CHCHD6: variants seen among roughly 807,000 people sequenced by gnomAD.
CHCHD6 encodes the protein coiled-coil-helix-coiled-coil-helix domain containing 6, also known as MICOS complex subunit MIC25.
A neutral mutation model predicts 32.3 loss-of-function variants in CHCHD6; 28 were observed. That is an observed-to-expected ratio of 0.87 (90% CI 0.64 to 1.19). The LOEUF is 1.19. Ranked by LOEUF, CHCHD6 falls within the 50% of genes most tolerant of loss-of-function variation. CHCHD6 has a pLI of 0.00. For synonymous variants in CHCHD6, 122 were observed against 117.5 expected, an observed-to-expected ratio of 1.04 and a Z score of -0.25; for missense variants, 333 against 307.0, an observed-to-expected ratio of 1.08 and a Z score of -0.63.
At chr3:126,910,060 T>C (rs2078064876) in intron 5 of CHCHD6, among the ~76,000 whole-genome samples, 1 of 152,178 alleles carries the variant, frequency 6.6e-6, no homozygotes, top group Non-Finnish European at 1.5e-5. Context: ...GCAGATCACT[T>C]GAGCCCAGGA....
intron 1 of CHCHD6, among the ~76,000 whole-genome samples, chr3:126,725,260 G>A (rs911439401): frequency 3.3e-5 from 5 of 152,212 alleles, no homozygotes; most frequent in African/African-American, 1.2e-4. Context: ...TGCTGTGTTA[G>A]GAGGCATGAA....
chr3:126,809,108 A>T (rs1205906880), intron 4 of CHCHD6, among the ~76,000 whole-genome samples: 1 of 152,014 alleles, frequency 6.6e-6, no homozygotes, highest in Non-Finnish European at 1.5e-5. Context: ...AGTAGCTGGG[A>T]TTACAGGCAT....
At chr3:126,879,762 A>G (rs1432440927) in intron 5 of CHCHD6, among the ~76,000 whole-genome samples, 3 of 152,220 alleles carry the variant, frequency 2.0e-5, no homozygotes, top group Non-Finnish European at 2.9e-5. Context: ...CAGTTGTTTT[A>G]TAAAGACAAA....
At chr3:126,931,330 G>A (rs926336465) in intron 6 of CHCHD6, among the ~76,000 whole-genome samples, 5 of 152,224 alleles carry the variant, frequency 3.3e-5, no homozygotes, top group African/African-American at 4.8e-5. Context: ...GGTGGAATTC[G>A]CAGCAGGCCT....
rs2107611069 is a variant in CHCHD6, at chr3:126,957,825, A to G, written c.702+274A>G. On this transcript the variant is annotated intron_variant, in intron 7 of 7. Transcript: ENST00000290913. ...GGCTGGGTGGGAGCAGGCTGGGTAA[A>G]GTCAGGCCCCACCTTCAAGGGCCGG... 3 of 535,238 alleles carry G rather than the reference A, an allele frequency of 5.6e-6. No individual in the cohort carries two copies. In the South Asian group the frequency reaches 6.2e-5, roughly 11 times the overall value. The allele number at this position is 535,238 out of a possible 1,614,324, so 33.2% of individuals were successfully genotyped here. A position where few individuals can be genotyped will look rare whatever the true frequency, so the allele number is the denominator to read the frequency against.
chr3:126,723,521 A>C (rs997592577), intron 1 of CHCHD6, among the ~76,000 whole-genome samples: 1 of 151,002 alleles, frequency 6.6e-6, no homozygotes, highest in Non-Finnish European at 1.5e-5. Context: ...GTATGTCTGC[A>C]TTTTTTTTTG....
intron 6 of CHCHD6, among the ~76,000 whole-genome samples, chr3:126,935,708 G>A (rs959863864): frequency 6.6e-6 from 1 of 152,208 alleles, no homozygotes; most frequent in Admixed American, 6.5e-5. Context: ...AGTCATAGAT[G>A]TACAATTTCC....
intron 4 of CHCHD6, among the ~76,000 whole-genome samples, chr3:126,792,078 A>T (rs1046443591): frequency 1.3e-5 from 2 of 152,098 alleles, no homozygotes; most frequent in East Asian, 3.9e-4. Context: ...GTAATATTCC[A>T]TTGTGTATAT....
At chr3:126,941,169 T>C (rs1466812423) in intron 6 of CHCHD6, among the ~76,000 whole-genome samples, 1 of 152,340 alleles carries the variant, frequency 6.6e-6, no homozygotes, top group East Asian at 1.9e-4. Flanking sequence ...TGCCATTAAA[T>C]TGTTGTTCCA....
rs919900306 is a variant in CHCHD6 at position 126,948,006 on chromosome 3, C to T, written c.567-9410C>T. The stretch of plus-strand genomic sequence containing the variant: ...GCATGTGGTGGGCATTGAAGTGTAG[C>T]GGCTATTGCTGATGTGCGCCTGGGC... On this transcript the variant is annotated intron_variant, in intron 6 of 7. Coordinates refer to ENST00000290913, the MANE Select transcript of CHCHD6 (RefSeq NM_032343.3). Among the ~76,000 whole-genome samples, 13 of 152,316 alleles carry T rather than the reference C, an allele frequency of 8.5e-5. No homozygotes were observed. In the South Asian group the frequency reaches 2.5e-3, roughly 29 times the overall value.
chr3:126,762,267 T>C (rs1937190831), intron 4 of CHCHD6, among the ~76,000 whole-genome samples: 1 of 152,190 alleles, frequency 6.6e-6, no homozygotes. Flanking sequence ...TCTTGTAATG[T>C]AAAGATGTAT....
chr3:126,733,269 C>T (rs775147236), intron 4 of CHCHD6, 47 bp downstream of exon 4: 1 of 1,577,120 alleles, frequency 6.3e-7, no homozygotes. Flanking sequence ...TGGGCAGCAC[C>T]CTGGGAAATA....
chr3:126,704,305 A>G lies in CHCHD6; in HGVS notation c.-8A>G. 6.2e-7 allele frequency: 1 copy of G among 1,602,670 alleles called. No homozygotes were observed. The highest frequency in any genetic ancestry group is 8.5e-7 in the Non-Finnish European group (1 of 1,176,730). On this transcript the variant is annotated 5_prime_UTR_variant, in exon 1 of 8. Transcript: ENST00000290913. Reference sequence around the variant, plus strand: ...GTCTGGTGGCTGCCGGCCCTGCGGCATCTCGCCATGGGGAGCACGGAGAGC... The same window carrying G: ...GTCTGGTGGCTGCCGGCCCTGCGGCGTCTCGCCATGGGGAGCACGGAGAGC...
intron 4 of CHCHD6, among the ~76,000 whole-genome samples, chr3:126,759,465 A>G (rs2107671613): frequency 6.6e-6 from 1 of 152,312 alleles, no homozygotes; most frequent in South Asian, 2.1e-4. Flanking sequence ...AGTCAAGGAC[A>G]TGCATTTCTT....
intron 5 of CHCHD6, among the ~76,000 whole-genome samples, chr3:126,881,100 AG>A (rs1419708337): frequency 6.6e-6 from 1 of 152,278 alleles, no homozygotes; most frequent in Non-Finnish European, 1.5e-5. Flanking sequence ...TGGCCAGGAA[AG>A]CTTCCTCAAA....
intron 5 of CHCHD6, among the ~76,000 whole-genome samples, chr3:126,901,708 G>A (rs567594840): frequency 6.6e-6 from 1 of 152,242 alleles, no homozygotes; most frequent in Non-Finnish European, 1.5e-5. Context: ...TTCAAAGAGT[G>A]CAAGCAGGAT....
chr3:126,755,656 A>G (rs1936923586), intron 4 of CHCHD6, among the ~76,000 whole-genome samples: 1 of 152,156 alleles, frequency 6.6e-6, no homozygotes, highest in Non-Finnish European at 1.5e-5. Context: ...AAAATAGAAC[A>G]TTCTATTAGT....
intron 4 of CHCHD6, chr3:126,767,236 C>A: frequency 6.8e-7 from 1 of 1,472,926 alleles, no homozygotes; most frequent in South Asian, 1.1e-5. Flanking sequence ...TGTATATTAT[C>A]TGTGCGGGGC....
intron 4 of CHCHD6, among the ~76,000 whole-genome samples, chr3:126,749,978 C>T (rs895825): frequency 0.017 from 2,591 of 152,280 alleles, 75 homozygotes; most frequent in African/African-American, 0.058. Context: ...CCACATCCAC[C>T]TTGGCCCGAC....
Sources: allele counts gnomAD v4.1 joint callset (sites outside exome capture counted in the v4.1 genomes callset), GRCh38; gene constraint gnomAD v4.1.1; transcripts MANE v1.5; gene names NCBI Gene and HGNC (gene_info 2026-07-23, HGNC 2026-07-21).